ADCY2: variants seen among roughly 807,000 people sequenced by gnomAD.
The protein encoded by ADCY2 is adenylate cyclase type 2.
A neutral mutation model predicts 125.2 loss-of-function variants in ADCY2; 31 were observed. That is an observed-to-expected ratio of 0.25 (90% CI 0.19 to 0.33). The LOEUF is 0.33. Among genes scored for constraint, ADCY2 ranks in the 10% least tolerant of loss-of-function variants. The probability of loss-of-function intolerance (pLI) is 1.00; values close to 1 mark genes in which losing one functional copy is unlikely to be tolerated. For synonymous variants in ADCY2, 512 were observed against 548.4 expected (o/e 0.93, Z 0.93); for missense variants, 904 against 1,418.2 (o/e 0.64, Z 5.82).
At chr5:7,770,806 C>T (rs561867136) in intron 17 of ADCY2, among the ~76,000 whole-genome samples, 1 of 152,270 alleles carries the variant, frequency 6.6e-6, no homozygotes, top group South Asian at 2.1e-4. Context: ...TAAATAAGGG[C>T]TTCTCAAACT....
At chr5:7,455,533 CTTA>C (rs1014956726) in intron 2 of ADCY2, among the ~76,000 whole-genome samples, 57 of 150,540 alleles carry the variant, frequency 3.8e-4, no homozygotes, top group South Asian at 2.3e-3. Context: ...TAAAATATCA[CTTA>C]TTATATATTA....
chr5:7,796,892 AC>A (rs2126514581), intron 20 of ADCY2: 2 of 152,240 alleles, frequency 1.3e-5, no homozygotes, highest in South Asian at 4.2e-4. Flanking sequence ...CACCAAATCG[AC>A]CCCGTGCCAA....
At chr5:7,507,438 C>T (rs577717632) in intron 2 of ADCY2, among the ~76,000 whole-genome samples, 958 of 62,376 alleles carry the variant, frequency 0.015, 48 homozygotes, top group Non-Finnish European at 0.023. Flanking sequence ...GAGACTCCGT[C>T]TCAAAAAAAA....
chr5:7,456,336 A>T (rs1245040323), intron 2 of ADCY2, among the ~76,000 whole-genome samples: 1 of 152,202 alleles, frequency 6.6e-6, no homozygotes, highest in Non-Finnish European at 1.5e-5. Flanking sequence ...GATCTGTTGG[A>T]TGCACAGATT....
chr5:7,763,001 T>A (rs201953728), intron 16 of ADCY2, among the ~76,000 whole-genome samples: 3 of 148,590 alleles, frequency 2.0e-5, no homozygotes, highest in Non-Finnish European at 4.5e-5. Flanking sequence ...TGATTTTTTT[T>A]AAGTTTTCCC....
At chr5:7,741,309 T>C (rs1438704718) in intron 14 of ADCY2, among the ~76,000 whole-genome samples, 1 of 152,120 alleles carries the variant, frequency 6.6e-6, no homozygotes, top group African/African-American at 2.4e-5. Context: ...GGTATAACTT[T>C]AGGGAAGTTA....
intron 7 of ADCY2, among the ~76,000 whole-genome samples, chr5:7,701,507 G>A (rs946053527): frequency 2.0e-5 from 3 of 152,120 alleles, no homozygotes; most frequent in Admixed American, 6.5e-5. Context: ...ATATAAAAAT[G>A]TACAGTGATA....
chr5:7,479,582 TACAA>T (rs1368311831), intron 2 of ADCY2, among the ~76,000 whole-genome samples: 1 of 151,844 alleles, frequency 6.6e-6, no homozygotes, highest in Non-Finnish European at 1.5e-5. Context: ...TCTTTTGTGT[TACAA>T]ACAATCAAAT....
intron 2 of ADCY2, among the ~76,000 whole-genome samples, chr5:7,460,407 A>G (rs536239070): frequency 1.5e-4 from 23 of 152,272 alleles, no homozygotes; most frequent in Admixed American, 1.2e-3. Flanking sequence ...TATCTTTTAT[A>G]CAGTGATAAA....
chr5:7,723,489 G>A (rs1741829398), intron 12 of ADCY2, among the ~76,000 whole-genome samples: 1 of 152,134 alleles, frequency 6.6e-6, no homozygotes, highest in South Asian at 2.1e-4. Context: ...GTCAGACAAT[G>A]TGGTACAATG....
intron 10 of ADCY2, 83 bp from the exon 11 acceptor site, chr5:7,712,773 G>C: frequency 1.0e-6 from 1 of 956,276 alleles, no homozygotes; most frequent in Non-Finnish European, 1.7e-6. Context: ...TGATAAAAGA[G>C]GAAATATGTT....
chr5:7,406,851 A>G (rs538607248), intron 1 of ADCY2, among the ~76,000 whole-genome samples: 3 of 152,186 alleles, frequency 2.0e-5, no homozygotes, highest in Admixed American at 6.5e-5. Flanking sequence ...TTTTCAAGAC[A>G]TGCTTCTTGA....
intron 4 of ADCY2, among the ~76,000 whole-genome samples, chr5:7,645,444 A>G (rs1037821640): frequency 1.3e-5 from 2 of 152,196 alleles, no homozygotes; most frequent in Non-Finnish European, 2.9e-5. Context: ...CAGCCAACAG[A>G]CAATGAAGAA....
At chr5:7,775,812 T>TCTTGAA (rs1222276266) in intron 18 of ADCY2, among the ~76,000 whole-genome samples, 2 of 152,212 alleles carry the variant, frequency 1.3e-5, no homozygotes, top group African/African-American at 4.8e-5. Context: ...TTCTGGCACT[T>TCTTGAA]CTTGAACTGA....
intron 3 of ADCY2, among the ~76,000 whole-genome samples, chr5:7,617,836 C>A (rs1737816512): frequency 6.6e-6 from 1 of 152,160 alleles, no homozygotes; most frequent in Non-Finnish European, 1.5e-5. Context: ...TTGATTCTAT[C>A]AAGGGAAGCA....
In ADCY2 at chr5:7,422,792, G is replaced by A. The variant is rs1348263338; in HGVS notation, c.408+8022G>A. ...TTTCTTACAAAAATAGGACATCAGTGTGCAAACATCTTTTTTTATTGAAAA... is the reference window on the plus strand; with the variant it reads ...TTTCTTACAAAAATAGGACATCAGTATGCAAACATCTTTTTTTATTGAAAA... On this transcript the variant is annotated intron_variant, in intron 2 of 24. Coordinates refer to ENST00000338316, the MANE Select transcript of ADCY2 (RefSeq NM_020546.3). 5.3e-5 allele frequency among the ~76,000 whole-genome samples: 8 copies of A among 152,318 alleles called. No individual in the cohort carries two copies. The South Asian group carries it at 1.7e-3, about 32-fold the overall frequency.
At chr5:7,809,564 C>G (rs1199043679) in intron 22 of ADCY2, among the ~76,000 whole-genome samples, 1 of 152,166 alleles carries the variant, frequency 6.6e-6, no homozygotes, top group African/African-American at 2.4e-5. Flanking sequence ...TATTCAGTTA[C>G]AAAATATATA....
At chr5:7,569,983 A>G (rs1040842676) in intron 3 of ADCY2, among the ~76,000 whole-genome samples, 8 of 117,050 alleles carry the variant, frequency 6.8e-5, no homozygotes, top group African/African-American at 2.2e-4. Flanking sequence ...TTGAAAGTGC[A>G]AGGGACCTTA....
chr5:7,460,063 G>A (rs1465193780), intron 2 of ADCY2, among the ~76,000 whole-genome samples: 5 of 151,952 alleles, frequency 3.3e-5, no homozygotes, highest in Non-Finnish European at 1.5e-5. Flanking sequence ...TGGGATTACA[G>A]GTGTGAGCCA....
Sources: allele counts gnomAD v4.1 joint callset (sites outside exome capture counted in the v4.1 genomes callset), GRCh38; gene constraint gnomAD v4.1.1; transcripts MANE v1.5; gene names NCBI Gene and HGNC (gene_info 2026-07-23, HGNC 2026-07-21).